RELCH: variants seen among roughly 807,000 people sequenced by gnomAD.
RELCH encodes RAB11 binding and LisH domain, coiled-coil and HEAT repeat containing, also known as RAB11-binding protein RELCH.
A neutral mutation model predicts 150.3 loss-of-function variants in RELCH; 41 were observed. The ratio of observed to expected loss-of-function variants is 0.27; its 90% CI spans 0.21 to 0.35. The LOEUF is 0.35. Ranked by LOEUF, RELCH falls within the 10% of genes least tolerant of loss-of-function variation. RELCH has a pLI of 1.00. For missense variants in RELCH, 1,092 were observed against 1,467.8 expected (o/e 0.74, Z 4.18); for synonymous variants, 478 against 531.8 (o/e 0.90, Z 1.39).
Position 62,187,476 on chromosome 18 carries a change from G to A in RELCH, c.-30G>A, listed in dbSNP as rs764655080. 4 of 1,498,252 alleles carry A rather than the reference G, an allele frequency of 2.7e-6. No individual in the cohort carries two copies. In the African/African-American group the frequency reaches 5.6e-5, roughly 21 times the overall value. 92.8% of individuals were successfully genotyped at this position (1,498,252 alleles called of 1,614,324 possible). On this transcript the variant is annotated 5_prime_UTR_variant, in exon 1 of 29. Transcript: ENST00000644646. ...GGCTGCGGCCCGTCGGAACCAGTCAGGGAGGCGCCCACACTCCTGACAGGA... is the reference window on the plus strand; with the variant it reads ...GGCTGCGGCCCGTCGGAACCAGTCAAGGAGGCGCCCACACTCCTGACAGGA...
chr18:62,206,689 A>C (rs1190232740), intron 1 of RELCH, among the ~76,000 whole-genome samples: 1 of 152,212 alleles, frequency 6.6e-6, no homozygotes, highest in African/African-American at 2.4e-5. Context: ...GGATAAAAAA[A>C]AGTTTTGTGT....
chr18:62,258,513 G>A lies in RELCH; in HGVS notation c.2039G>A (p.Gly680Asp). ...CATTTGCCTTTTTCTCATTGACAGG[G>A]TTTTGAATTGTTGCTGTCAGCCTTG... ...YIDDPDKYHQ[G>D]FELLLSALGD... is the part of the protein sequence containing the mutation. The change falls in exon 15 of 29, where the codon GGT becomes GAT. Residue 680 changes from glycine (G) to aspartate (D), a missense_variant and splice_region_variant. Around this residue, in one of 4 missense-constraint regions of RELCH, gnomAD observed 707 missense variants for 1,025.4 expected, o/e 0.69. Transcript: ENST00000644646. 1 of 1,604,024 alleles carries A rather than the reference G, an allele frequency of 6.2e-7. No homozygotes were observed. Among genetic ancestry groups the A allele is most frequent in the East Asian group, 2.2e-5 (1 of 44,456 alleles).
intron 10 of RELCH, among the ~76,000 whole-genome samples, chr18:62,239,048 TATGAG>T (rs372065737): frequency 6.6e-6 from 1 of 152,234 alleles, no homozygotes; most frequent in African/African-American, 2.4e-5. Context: ...ATCATAACTC[TATGAG>T]ATGTATACAG....
Position 62,254,927 on chromosome 18 carries a change from T to C in RELCH, c.1825-480T>C, listed in dbSNP as rs377367773. 2.6e-4 allele frequency among the ~76,000 whole-genome samples: 40 copies of C among 152,278 alleles called. 4 individuals carry two copies. The highest frequency in any genetic ancestry group is 2.5e-3 in the South Asian group (12 of 4,828). ...AGGAATGGATTGAAGTCTGCTTACT[T>C]TATAAATAAAAGCATATTTCTAGCA... is the stretch of plus-strand genomic sequence containing the variant. On this transcript the variant is annotated intron_variant, in intron 12 of 28. Transcript: ENST00000644646.
intron 27 of RELCH, among the ~76,000 whole-genome samples, chr18:62,292,292 C>A (rs2045190696): frequency 6.6e-6 from 1 of 151,950 alleles, no homozygotes; most frequent in African/African-American, 2.4e-5. Flanking sequence ...CCTGATAGGA[C>A]TTTTTTTTAG....
chr18:62,205,876 A>C (rs913376827), intron 1 of RELCH, among the ~76,000 whole-genome samples: 3 of 152,090 alleles, frequency 2.0e-5, no homozygotes, highest in Admixed American at 2.0e-4. Context: ...TTTTTAAAAA[A>C]ATTAGCCAGA....
intron 5 of RELCH, among the ~76,000 whole-genome samples, chr18:62,222,894 TAAAAA>T (rs974805469): frequency 6.7e-6 from 1 of 149,262 alleles, no homozygotes; most frequent in African/African-American, 2.5e-5. Context: ...ACGCATGAGT[TAAAAA>T]AGAAAAGGGA....
intron 28 of RELCH, among the ~76,000 whole-genome samples, chr18:62,299,122 T>A (rs527622837): frequency 3.9e-4 from 60 of 152,292 alleles, no homozygotes; most frequent in African/African-American, 1.4e-3. Context: ...GGGATCTGCA[T>A]GTTTAAAAGC....
intron 9 of RELCH, among the ~76,000 whole-genome samples, chr18:62,231,826 A>G (rs989252291): frequency 6.6e-6 from 1 of 151,904 alleles, no homozygotes; most frequent in Non-Finnish European, 1.5e-5. Flanking sequence ...CTGTTCCACA[A>G]TGTCATTGAG....
In RELCH at chr18:62,196,332, T is replaced by A. The variant is rs569701266; in HGVS notation, c.526+8301T>A. 5.3e-5 allele frequency among the ~76,000 whole-genome samples: 8 copies of A among 152,224 alleles called. No homozygotes were observed. In the East Asian group the frequency reaches 1.4e-3, roughly 26 times the overall value. ...GCAACCTCTGCCTCCTGGGTTCAAGTGACTCTGGTGCCTCAGCCTCCTCAG... is the reference window on the plus strand; with the variant it reads ...GCAACCTCTGCCTCCTGGGTTCAAGAGACTCTGGTGCCTCAGCCTCCTCAG... On this transcript the variant is annotated intron_variant, in intron 1 of 28. Transcript: ENST00000644646.
At chr18:62,190,139 G>T (rs2038514942) in intron 1 of RELCH, among the ~76,000 whole-genome samples, 1 of 152,138 alleles carries the variant, frequency 6.6e-6, no homozygotes, top group African/African-American at 2.4e-5. Flanking sequence ...AACAAAAAAT[G>T]GATTAAACTG....
chr18:62,217,408 A>G (rs1240635185), intron 2 of RELCH, among the ~76,000 whole-genome samples: 1 of 151,752 alleles, frequency 6.6e-6, no homozygotes. Flanking sequence ...TGGTTATTTC[A>G]GGAGTTATTA....
chr18:62,289,083 G>A (rs919658891), intron 26 of RELCH, among the ~76,000 whole-genome samples: 1 of 152,158 alleles, frequency 6.6e-6, no homozygotes, highest in Non-Finnish European at 1.5e-5. Flanking sequence ...AAGTAGGGAA[G>A]GCAGTGGTTT....
At chr18:62,202,717 T>A (rs184208987) in intron 1 of RELCH, among the ~76,000 whole-genome samples, 1 of 152,332 alleles carries the variant, frequency 6.6e-6, no homozygotes, top group African/African-American at 2.4e-5. Flanking sequence ...TAATGTCTCA[T>A]GACCAAAGTA....
chr18:62,247,761 G>A (rs1013320112), intron 11 of RELCH, among the ~76,000 whole-genome samples: 15 of 152,016 alleles, frequency 9.9e-5, no homozygotes, highest in Non-Finnish European at 1.5e-5. Context: ...TGCCCAGGCT[G>A]GTCTTGAACT....
intron 12 of RELCH, among the ~76,000 whole-genome samples, chr18:62,253,354 T>C (rs891503138): frequency 1.3e-5 from 2 of 151,856 alleles, no homozygotes; most frequent in Non-Finnish European, 2.9e-5. Context: ...ATTACAAATA[T>C]ATAAGGTGTA....
Position 62,305,340 on chromosome 18 carries a change from G to C in RELCH, c.3531-74G>C. 7.6e-7 allele frequency: 1 copy of C among 1,316,256 alleles called. No individual in the cohort carries two copies. Among genetic ancestry groups the C allele is most frequent in the South Asian group, 1.5e-5 (1 of 68,958 alleles). The allele number at this position is 1,316,256 out of a possible 1,614,324, so 81.5% of individuals were successfully genotyped here. On this transcript the variant is annotated intron_variant, in intron 28 of 28. Coordinates refer to ENST00000644646, the MANE Select transcript of RELCH (RefSeq NM_001346231.2). The surrounding 1 kb of genome is among the most constrained non-coding windows in gnomAD (Gnocchi z 4.0). Reference sequence around the variant, plus strand: ...GCCAATTCAGAGTGTGTTCGTTAATGATATGCTACTAAATAAATGAAAAAT... The same window carrying C: ...GCCAATTCAGAGTGTGTTCGTTAATCATATGCTACTAAATAAATGAAAAAT...
At chr18:62,304,604 A>G (rs73465868) in intron 28 of RELCH, among the ~76,000 whole-genome samples, 2,381 of 152,348 alleles carry the variant, frequency 0.016, 47 homozygotes, top group African/African-American at 0.04. Context: ...TGAGTCAGAG[A>G]GAGCTAAAGC....
chr18:62,224,257 T>C (rs80327345), intron 5 of RELCH, among the ~76,000 whole-genome samples: 12,372 of 152,152 alleles, frequency 0.081, 611 homozygotes, highest in South Asian at 0.19. Flanking sequence ...CTGAGAATGA[T>C]GGTTTCCAGC....
Sources: gnomAD v4.1 joint callset for allele counts (sites outside exome capture counted in the v4.1 genomes callset) on GRCh38, gnomAD v4.1.1 for gene constraint, gnomAD v4.1.1 regional missense constraint, Gnocchi (gnomAD v3.1) non-coding constraint, MANE v1.5 for transcripts, NCBI Gene and HGNC (gene_info 2026-07-23, HGNC 2026-07-21) for gene names.